Variants in RBFOX1 observed in about 807,000 individuals in gnomAD.
The protein encoded by RBFOX1 is RNA binding fox-1 homolog 1.
In RBFOX1, 8 loss-of-function variants were observed where a neutral mutation model predicts 57.7. The observed-to-expected ratio is 0.14, with a 90% CI of 0.08 to 0.25. The LOEUF is 0.25. Among genes scored for constraint, RBFOX1 ranks in the 10% least tolerant of loss-of-function variants. The pLI is 1.00. For synonymous variants in RBFOX1, 326 were observed against 222.4 expected, an observed-to-expected ratio of 1.47 and a Z score of -4.15; for missense variants, 611 against 548.5, an observed-to-expected ratio of 1.11 and a Z score of -1.14.
intron 3 of RBFOX1, among the ~76,000 whole-genome samples, chr16:6,975,611 G>C (rs766858535): frequency 3.3e-5 from 5 of 152,172 alleles, no homozygotes; most frequent in Non-Finnish European, 7.3e-5. Context: ...AATTGATCAG[G>C]TGTGTTTTTC....
At chr16:7,429,171 G>C (rs2098654006) in intron 4 of RBFOX1, among the ~76,000 whole-genome samples, 1 of 152,122 alleles carries the variant, frequency 6.6e-6, no homozygotes, top group Non-Finnish European at 1.5e-5. Context: ...ATATAATCTT[G>C]TGAACCAGAG....
At chr16:5,310,438 T>G (rs1159031312) in intron 1 of RBFOX1, among the ~76,000 whole-genome samples, 5 of 152,018 alleles carry the variant, frequency 3.3e-5, no homozygotes, top group East Asian at 1.9e-4. Context: ...TAGGCAGGTA[T>G]GTTAGAATCC....
At chr16:6,008,651 G>T (rs573226945) in intron 4 of RBFOX1, among the ~76,000 whole-genome samples, 1 of 152,246 alleles carries the variant, frequency 6.6e-6, no homozygotes, top group East Asian at 1.9e-4. Context: ...TGGAGCAGAG[G>T]GAAGGGTTAA....
intron 1 of RBFOX1, among the ~76,000 whole-genome samples, chr16:5,463,488 G>T (rs183050289): frequency 6.6e-5 from 10 of 152,210 alleles, no homozygotes. Flanking sequence ...GCTTAAAGAT[G>T]CATAAAAGTG....
chr16:6,490,416 G>C (rs921271848), intron 2 of RBFOX1, among the ~76,000 whole-genome samples: 4 of 152,146 alleles, frequency 2.6e-5, no homozygotes, highest in African/African-American at 9.7e-5. Context: ...GTTTGTACTT[G>C]AAAATGTCTC....
chr16:6,583,604 A>G (rs2097567189), intron 2 of RBFOX1, among the ~76,000 whole-genome samples: 1 of 152,230 alleles, frequency 6.6e-6, no homozygotes, highest in Non-Finnish European at 1.5e-5. Flanking sequence ...GATTCTATCC[A>G]TTCTCTGTAA....
At chr16:7,154,040 C>G (rs1451355077) in intron 4 of RBFOX1, among the ~76,000 whole-genome samples, 1 of 152,114 alleles carries the variant, frequency 6.6e-6, no homozygotes, top group African/African-American at 2.4e-5. Flanking sequence ...GTTTTTGTTA[C>G]TAGTATTTAG....
At chr16:6,496,474 G>A (rs539824763) in intron 2 of RBFOX1, among the ~76,000 whole-genome samples, 67 of 152,264 alleles carry the variant, frequency 4.4e-4, no homozygotes, top group African/African-American at 1.5e-3. Flanking sequence ...CCGTGTTGTG[G>A]TCTTGCTCAT....
Position 6,965,315 on chromosome 16 carries a change from TTGTGTGTG to T in RBFOX1, c.-15-86704_-15-86697del, listed in dbSNP as rs57603257. On this transcript the variant is annotated intron_variant, in intron 3 of 15. Transcript: ENST00000550418. ...CAAATCCAATTTCCTTTTTCTTTTG[TTGTGTGTG>T]TGTGTGTGTGTGTGTGTGTGTGTGT... 1.3e-3 allele frequency among the ~76,000 whole-genome samples: 197 copies of T among 147,548 alleles called. 1 individual carries two copies. The highest frequency in any genetic ancestry group is 6.9e-3 in the Middle Eastern group (2 of 288).
At chr16:6,959,088 G>C (rs74008475) in intron 3 of RBFOX1, among the ~76,000 whole-genome samples, 6 of 152,072 alleles carry the variant, frequency 3.9e-5, no homozygotes, top group African/African-American at 1.2e-4. Flanking sequence ...CATAAAGATA[G>C]GCATTTTCTT....
chr16:6,976,709 G>A (rs1017340490), intron 3 of RBFOX1, among the ~76,000 whole-genome samples: 6 of 147,280 alleles, frequency 4.1e-5, no homozygotes, highest in African/African-American at 7.5e-5. Flanking sequence ...ATATCATATA[G>A]CATACATATC....
At chr16:5,919,443 A>G (rs112581827) in intron 4 of RBFOX1, among the ~76,000 whole-genome samples, 9,893 of 152,012 alleles carry the variant, frequency 0.065, 445 homozygotes, top group African/African-American at 0.11. Flanking sequence ...CCTGGGTTCA[A>G]GCGATTCTCC....
chr16:6,163,564 G>C (rs2096894780), intron 1 of RBFOX1, among the ~76,000 whole-genome samples: 1 of 152,198 alleles, frequency 6.6e-6, no homozygotes, highest in African/African-American at 2.4e-5. Context: ...TTCATTGACA[G>C]TGGGATTTTC....
chr16:5,874,301 G>C (rs1456472029), intron 4 of RBFOX1, among the ~76,000 whole-genome samples: 2 of 152,196 alleles, frequency 1.3e-5, no homozygotes, highest in East Asian at 1.9e-4. Flanking sequence ...GGAAAGGCAG[G>C]AGTTGGGAAG....
At chr16:6,537,629 G>A (rs913629957) in intron 2 of RBFOX1, among the ~76,000 whole-genome samples, 1 of 152,158 alleles carries the variant, frequency 6.6e-6, no homozygotes, top group Admixed American at 6.5e-5. Flanking sequence ...CTGAAATGCA[G>A]TTTATTTGTC....
chr16:5,991,116 C>T (rs1567228771), intron 4 of RBFOX1, among the ~76,000 whole-genome samples: 1 of 152,162 alleles, frequency 6.6e-6, no homozygotes, highest in Non-Finnish European at 1.5e-5. Context: ...CTCCCCTTGC[C>T]CCTCTTATTA....
rs79898994 is a variant in RBFOX1 at position 6,055,872 on chromosome 16, A to C, written c.-127+35880A>C. Among the ~76,000 whole-genome samples the C allele has an allele frequency of 4.5e-3, 685 of 152,312 alleles. 5 individuals carry two copies. The highest frequency in any genetic ancestry group is 0.015 in the African/African-American group (640 of 41,570). On this transcript the variant is annotated intron_variant, in intron 1 of 15. Transcript: ENST00000550418. ...GCAAATTCCTCAGAATCCCATGGTT[A>C]CAGTCACCTTGAGCATTTTACTGGA...
At chr16:5,531,126 AAAAAT>A (rs141478034) in intron 2 of RBFOX1, among the ~76,000 whole-genome samples, 44,415 of 150,876 alleles carry the variant, frequency 0.29, 7,146 homozygotes, top group Non-Finnish European at 0.36. Flanking sequence ...ACTCTATCTC[AAAAAT>A]AAAATAAAAT....
chr16:7,002,720 GAAAC>G (rs1407456466), intron 3 of RBFOX1, among the ~76,000 whole-genome samples: 1 of 152,018 alleles, frequency 6.6e-6, no homozygotes, highest in East Asian at 1.9e-4. Flanking sequence ...CAAAAACAAA[GAAAC>G]AAACAAAAAA....
Sources: allele counts gnomAD v4.1 joint callset (sites outside exome capture counted in the v4.1 genomes callset), GRCh38; gene constraint gnomAD v4.1.1; transcripts MANE v1.5; gene names NCBI Gene and HGNC (gene_info 2026-07-23, HGNC 2026-07-21).